Variants in CDH13 observed in about 807,000 individuals in gnomAD.
CDH13 encodes the protein cadherin-13.
CDH13 carries 24 observed loss-of-function variants against 63.8 expected under a neutral mutation model. The observed-to-expected ratio is 0.38, with a 90% CI of 0.27 to 0.53. The LOEUF is 0.53. CDH13 is among the 20% of genes least tolerant of loss of function. The pLI is 0.85. For missense variants in CDH13, 1,049 were observed against 903.1 expected, an observed-to-expected ratio of 1.16 and a Z score of -2.07; for synonymous variants, 503 against 355.3, an observed-to-expected ratio of 1.42 and a Z score of -4.67.
chr16:83,765,485 AT>A (rs1914309322), intron 11 of CDH13, among the ~76,000 whole-genome samples: 1 of 152,058 alleles, frequency 6.6e-6, no homozygotes, highest in African/African-American at 2.4e-5. Flanking sequence ...GCGTTATATT[AT>A]TGCAAACTTA....
chr16:83,348,601 A>G (rs762291382), intron 6 of CDH13, among the ~76,000 whole-genome samples: 18 of 152,198 alleles, frequency 1.2e-4, no homozygotes, highest in Non-Finnish European at 2.1e-4. Context: ...AGGTGTCTGC[A>G]TTTTCATTTT....
chr16:83,452,378 G>A lies in CDH13; in HGVS notation c.782-34099G>A, dbSNP rs1350623101. Among the ~76,000 whole-genome samples, 5 of 136,866 alleles carry A rather than the reference G, an allele frequency of 3.7e-5. No homozygotes were observed. In the East Asian group the frequency reaches 1.1e-3, roughly 30 times the overall value. The allele number at this position is 136,866 out of a possible 152,430, so 89.8% of individuals were successfully genotyped here. ...AGCAAGTGTTTATATTGATTACTTGGTGCCAAGTTCTATACTAGGCTGTGA... is the reference window on the plus strand; with the variant it reads ...AGCAAGTGTTTATATTGATTACTTGATGCCAAGTTCTATACTAGGCTGTGA... On this transcript the variant is annotated intron_variant, in intron 6 of 13. Coordinates refer to ENST00000567109, the MANE Select transcript of CDH13 (RefSeq NM_001257.5).
intron 7 of CDH13, among the ~76,000 whole-genome samples, chr16:83,510,604 G>T (rs899217596): frequency 9.2e-5 from 14 of 152,260 alleles, no homozygotes; most frequent in South Asian, 8.3e-4. Context: ...ATCCTACCTG[G>T]AATCTACCCC....
chr16:83,341,466 T>A (rs2090720733), intron 5 of CDH13, among the ~76,000 whole-genome samples: 1 of 152,152 alleles, frequency 6.6e-6, no homozygotes, highest in Non-Finnish European at 1.5e-5. Flanking sequence ...ACTAACAACT[T>A]CCTCATGCAT....
chr16:83,251,971 T>C (rs1200912499), intron 5 of CDH13, among the ~76,000 whole-genome samples: 3 of 151,976 alleles, frequency 2.0e-5, no homozygotes, highest in South Asian at 2.1e-4. Flanking sequence ...AAGACCCTTA[T>C]AGGTCAGCAG....
intron 2 of CDH13, among the ~76,000 whole-genome samples, chr16:83,021,147 T>C (rs1915311878): frequency 6.6e-6 from 1 of 152,178 alleles, no homozygotes; most frequent in African/African-American, 2.4e-5. Context: ...GCTTAATGGG[T>C]GACTTTCAAA....
intron 7 of CDH13, among the ~76,000 whole-genome samples, chr16:83,507,739 T>TA (rs2074435535): frequency 6.6e-6 from 1 of 152,058 alleles, no homozygotes; most frequent in South Asian, 2.1e-4. Flanking sequence ...TTTTGCTTAG[T>TA]AAAAAATTTA....
chr16:83,617,690 CA>C (rs1909411430), intron 8 of CDH13, among the ~76,000 whole-genome samples: 1 of 151,282 alleles, frequency 6.6e-6, no homozygotes, highest in Non-Finnish European at 1.5e-5. Context: ...GTAATATGCA[CA>C]AATCTTAATA....
chr16:83,491,816 G>A (rs1335005681), intron 7 of CDH13, among the ~76,000 whole-genome samples: 2 of 152,078 alleles, frequency 1.3e-5, no homozygotes, highest in African/African-American at 2.4e-5. Flanking sequence ...AATGTAATTT[G>A]TTTTGTATTT....
At chr16:83,013,601 C>T (rs952010040) in intron 2 of CDH13, among the ~76,000 whole-genome samples, 3 of 152,218 alleles carry the variant, frequency 2.0e-5, no homozygotes, top group African/African-American at 7.2e-5. Flanking sequence ...GTCCATCTCA[C>T]CACAGAAAAG....
At chr16:83,282,845 T>G (rs892877468) in intron 5 of CDH13, among the ~76,000 whole-genome samples, 2 of 152,236 alleles carry the variant, frequency 1.3e-5, no homozygotes, top group Non-Finnish European at 2.9e-5. Flanking sequence ...CATCCTGTTA[T>G]TCTATTGAGC....
At chr16:83,718,499 C>T (rs779395999) in intron 10 of CDH13, among the ~76,000 whole-genome samples, 1 of 152,118 alleles carries the variant, frequency 6.6e-6, no homozygotes. Context: ...TTTCTTTAAC[C>T]AAGCAGTGGA....
At chr16:82,645,740 G>A (rs76878912) in intron 1 of CDH13, among the ~76,000 whole-genome samples, 8,410 of 152,172 alleles carry the variant, frequency 0.055, 260 homozygotes, top group African/African-American at 0.076. Flanking sequence ...ACAGCAAGCC[G>A]CTATTCATGT....
intron 6 of CDH13, among the ~76,000 whole-genome samples, chr16:83,391,987 A>G (rs963370767): frequency 4.6e-5 from 7 of 152,252 alleles, no homozygotes; most frequent in African/African-American, 1.2e-4. Flanking sequence ...GGGCAACTCT[A>G]TGTAGTCAGG....
intron 6 of CDH13, among the ~76,000 whole-genome samples, chr16:83,359,912 C>T (rs1241718005): frequency 6.6e-6 from 1 of 152,166 alleles, no homozygotes; most frequent in Non-Finnish European, 1.5e-5. Context: ...TCTATTATCC[C>T]AGAATGGAAC....
intron 6 of CDH13, among the ~76,000 whole-genome samples, chr16:83,470,471 C>T (rs1388256048): frequency 6.6e-6 from 1 of 152,166 alleles, no homozygotes; most frequent in Non-Finnish European, 1.5e-5. Flanking sequence ...TTGGTTTTTT[C>T]CTTTAGCTTT....
chr16:82,827,037 G>C (rs1359713386), intron 1 of CDH13, among the ~76,000 whole-genome samples: 3 of 152,162 alleles, frequency 2.0e-5, no homozygotes, highest in African/African-American at 7.2e-5. Context: ...TCCTCTGCCT[G>C]ATGATAAAAT....
intron 6 of CDH13, among the ~76,000 whole-genome samples, chr16:83,449,391 G>A (rs893001239): frequency 1.3e-5 from 2 of 152,168 alleles, no homozygotes; most frequent in African/African-American, 2.4e-5. Flanking sequence ...AAGGAGAAAC[G>A]GCTCCCTTAC....
Position 83,423,042 on chromosome 16 carries a change from G to A in CDH13, c.782-63435G>A, listed in dbSNP as rs890676277. Among the ~76,000 whole-genome samples the A allele has an allele frequency of 3.3e-5, 5 of 152,112 alleles. No homozygotes were observed. The East Asian group carries it at 9.6e-4, about 29-fold the overall frequency. On this transcript the variant is annotated intron_variant, in intron 6 of 13. Transcript: ENST00000567109. ...CTTCATTTTTGTGTTCTCTAATTCT[G>A]TACATGTCTTTCTTCCATTTATAAT... is the stretch of plus-strand genomic sequence containing the variant.
Sources: allele counts gnomAD v4.1 joint callset (sites outside exome capture counted in the v4.1 genomes callset), GRCh38; gene constraint gnomAD v4.1.1; transcripts MANE v1.5; gene names NCBI Gene and HGNC (gene_info 2026-07-23, HGNC 2026-07-21).